Variants in FBXO34 observed in about 807,000 individuals in gnomAD.
FBXO34 encodes the protein F-box only protein 34.
In FBXO34, 12 loss-of-function variants were observed where a neutral mutation model predicts 24.5. That is an observed-to-expected ratio of 0.49 (90% CI 0.31 to 0.79). FBXO34 has a LOEUF of 0.79. Ranked by LOEUF, FBXO34 falls within the 30% of genes least tolerant of loss-of-function variation. The pLI, the probability that FBXO34 is intolerant of heterozygous loss-of-function variation, is 0.04. For synonymous variants in FBXO34, 320 were observed against 311.9 expected (o/e 1.03, Z -0.27); for missense variants, 823 against 857.7 (o/e 0.96, Z 0.51).
downstream of FBXO34, among the ~76,000 whole-genome samples, chr14:55,371,822 CAA>C (rs1195067989): frequency 6.6e-6 from 1 of 151,940 alleles, no homozygotes; most frequent in African/African-American, 2.4e-5. Context: ...AACAAAAAAA[CAA>C]AGAGCCCCTC....
the FBXO34 span, among the ~76,000 whole-genome samples, chr14:55,381,317 G>A: frequency 1.3e-5 from 2 of 152,152 alleles, no homozygotes; most frequent in Admixed American, 6.5e-5. Context: ...AACTGCAGGG[G>A]TTTTAAAGGG....
chr14:55,439,322 G>C, the FBXO34 span, among the ~76,000 whole-genome samples: 14 of 150,000 alleles, frequency 9.3e-5, no homozygotes, highest in Non-Finnish European at 1.9e-4. Context: ...TTGACATTTG[G>C]CAAACCCTGC....
At position 55,350,738 on chromosome 14, in the gene FBXO34, C is replaced by G. The variant is rs754466706; in HGVS notation, c.348C>G (p.Thr116=). ...GGGCTGTTGTGAAACCTGGAAATAC[C>G]AAGGAAAAAATTGCATTCTTTGCAT... ...DIWAVVKPGN[T]KEKIAFFASH... Residue 116 remains threonine (T), a synonymous_variant, in exon 2 of 2, where the codon ACC becomes ACG. Coordinates refer to ENST00000313833, the MANE Select transcript of FBXO34 (RefSeq NM_017943.4). 6.2e-7 allele frequency: 1 copy of G among 1,608,462 alleles called. No individual in the cohort carries two copies. Among genetic ancestry groups the G allele is most frequent in the Non-Finnish European group, 8.5e-7 (1 of 1,178,536 alleles).
At chr14:55,369,530 T>C, downstream of FBXO34, 2 of 1,224,840 alleles carry the variant, frequency 1.6e-6, no homozygotes, top group South Asian at 2.2e-5. Flanking sequence ...TTCCAGACAC[T>C]ATCTTAACTT....
chr14:55,363,537 C>T (rs144900091), downstream of FBXO34, among the ~76,000 whole-genome samples: 2,856 of 152,092 alleles, frequency 0.019, 87 homozygotes, highest in African/African-American at 0.061. Context: ...CCATGTTGGT[C>T]AGGCTGGTCT....
the FBXO34 span, among the ~76,000 whole-genome samples, chr14:55,432,442 A>AACAAAAAAAAAAAC: frequency 1.1e-4 from 17 of 149,164 alleles, no homozygotes; most frequent in East Asian, 5.8e-4. Flanking sequence ...ATAAACAAAC[A>AACAAAAAAAAAAAC]ACAAAAAAAA....
At chr14:55,282,015 T>TTTTGG (rs368902918) in intron 1 of FBXO34, among the ~76,000 whole-genome samples, 1 of 96,976 alleles carries the variant, frequency 1.0e-5, no homozygotes, top group Non-Finnish European at 2.2e-5. Flanking sequence ...TTTTTTTTTT[T>TTTTGG]GATACAGAGT....
chr14:55,431,230 A>G, the FBXO34 span, among the ~76,000 whole-genome samples: 3 of 152,222 alleles, frequency 2.0e-5, no homozygotes, highest in Non-Finnish European at 2.9e-5. Flanking sequence ...AAACTTCAAA[A>G]CCAAATATAT....
At chr14:55,396,655 G>A in the FBXO34 span, among the ~76,000 whole-genome samples, 4 of 152,284 alleles carry the variant, frequency 2.6e-5, no homozygotes, top group African/African-American at 7.2e-5. Context: ...TGAGAGTTGG[G>A]CAGGGCGTGC....
At chr14:55,437,051 A>G in the FBXO34 span, 35 of 1,578,726 alleles carry the variant, frequency 2.2e-5, no homozygotes, top group East Asian at 7.4e-4. Flanking sequence ...AGACAAAAAC[A>G]CAACAGACAG....
chr14:55,441,178 A>AG, the FBXO34 span, among the ~76,000 whole-genome samples: 1 of 151,584 alleles, frequency 6.6e-6, no homozygotes. Context: ...CTAGGTTTCC[A>AG]CCCTGTCGCC....
At chr14:55,297,299 G>T (rs900100376) in intron 1 of FBXO34, among the ~76,000 whole-genome samples, 6 of 152,316 alleles carry the variant, frequency 3.9e-5, no homozygotes, top group Admixed American at 6.5e-5. Flanking sequence ...TCCTATGTCA[G>T]TATTAACACA....
intron 1 of FBXO34, among the ~76,000 whole-genome samples, chr14:55,325,125 C>T (rs142075899): frequency 5.3e-5 from 8 of 152,292 alleles, no homozygotes; most frequent in Non-Finnish European, 8.8e-5. Flanking sequence ...GGGGAATGAA[C>T]ATTCAGTCTA....
the FBXO34 span, among the ~76,000 whole-genome samples, chr14:55,416,507 C>T: frequency 6.6e-6 from 1 of 152,130 alleles, no homozygotes; most frequent in African/African-American, 2.4e-5. Flanking sequence ...AGTTTACTAT[C>T]TGTAGGTCTT....
chr14:55,367,817 A>C (rs188755651), exon 3 of FBXO34: 1 of 152,154 alleles, frequency 6.6e-6, no homozygotes, highest in Non-Finnish European at 1.5e-5. Context: ...AGAGCCAAGG[A>C]ATTTGTGACT....
chr14:55,439,606 A>G, the FBXO34 span, among the ~76,000 whole-genome samples: 1 of 63,986 alleles, frequency 1.6e-5, no homozygotes, highest in Admixed American at 2.1e-4. Flanking sequence ...GCCTGGGGAG[A>G]AAAGCAAACC....
intron 1 of FBXO34, among the ~76,000 whole-genome samples, chr14:55,338,447 A>G (rs915570979): frequency 6.6e-6 from 1 of 152,098 alleles, no homozygotes; most frequent in Non-Finnish European, 1.5e-5. Flanking sequence ...AGATAAGAGT[A>G]TGTACTTCTT....
rs1884327662 is a variant in FBXO34 at position 55,350,716 on chromosome 14, CT to C, written c.327del (p.Val110LeufsTer2). The C allele has an allele frequency of 6.2e-7, 1 of 1,613,136 alleles. No homozygotes were observed. Among genetic ancestry groups the C allele is most frequent in the African/African-American group, 1.3e-5 (1 of 74,812 alleles). ...GEEEGPLDIW[A>X]VVKPGNTKEK... Reference sequence around the variant, plus strand: ...GAAGAAGGACCACTTGATATCTGGGCTGTTGTGAAACCTGGAAATACCAAGG... The same window carrying C: ...GAAGAAGGACCACTTGATATCTGGGCGTTGTGAAACCTGGAAATACCAAGG... On this transcript the variant is annotated frameshift_variant, in exon 2 of 2. Coordinates refer to ENST00000313833, the MANE Select transcript of FBXO34 (RefSeq NM_017943.4). LOFTEE classifies it low-confidence loss of function (END_TRUNC).
chr14:55,285,537 A>C (rs1175355371), intron 1 of FBXO34: 1 of 152,072 alleles, frequency 6.6e-6, no homozygotes, highest in Non-Finnish European at 1.5e-5. Flanking sequence ...CAGCATTGGC[A>C]ACATAGTGAG....
Sources: gnomAD v4.1 joint callset for allele counts (sites outside exome capture counted in the v4.1 genomes callset) on GRCh38, gnomAD v4.1.1 for gene constraint, MANE v1.5 for transcripts, NCBI Gene and HGNC (gene_info 2026-07-23, HGNC 2026-07-21) for gene names.